Variants in SASH1 observed in about 807,000 individuals in gnomAD.
SASH1 encodes SAM and SH3 domain containing 1.
A neutral mutation model predicts 125.2 loss-of-function variants in SASH1; 44 were observed. The observed-to-expected ratio is 0.35, with a 90% CI of 0.28 to 0.45. The LOEUF (loss-of-function observed/expected upper bound fraction) is 0.45. Among genes scored for constraint, SASH1 ranks in the 20% least tolerant of loss-of-function variants. SASH1 has a pLI of 1.00. For synonymous variants in SASH1, 639 were observed against 649.1 expected (o/e 0.98, Z 0.24); for missense variants, 1,426 against 1,614.5 (o/e 0.88, Z 2.00).
intron 10 of SASH1, among the ~76,000 whole-genome samples, chr6:148,521,185 G>GTT (rs775648654): frequency 2.6e-5 from 4 of 152,174 alleles, no homozygotes; most frequent in Admixed American, 2.0e-4. Context: ...CTAACTTTTA[G>GTT]TTTGCACAGT....
chr6:148,424,828 G>A (rs73011367), intron 2 of SASH1, among the ~76,000 whole-genome samples: 26,762 of 152,104 alleles, frequency 0.18, 2,751 homozygotes, highest in African/African-American at 0.28. Context: ...TGGACCAGTA[G>A]TTCTCAAAGT....
At chr6:148,304,809 C>G (rs961095161) in intron 1 of SASH1, among the ~76,000 whole-genome samples, 1 of 152,110 alleles carries the variant, frequency 6.6e-6, no homozygotes, top group Non-Finnish European at 1.5e-5. Context: ...AGGCGGATCA[C>G]TTGAGGTCAG....
At chr6:148,387,619 T>C (rs565607778) in intron 1 of SASH1, among the ~76,000 whole-genome samples, 2,569 of 36,082 alleles carry the variant, frequency 0.071, 133 homozygotes, top group Middle Eastern at 0.2. Context: ...TTTCTTTCTT[T>C]CTTTCTTTCT....
chr6:148,527,990 G>A lies in SASH1; in HGVS notation c.1428+394G>A, dbSNP rs377498782. ...TCAAACCTAAAGCTTTTTTTTTTTG[G>A]GGGGGGGGGTGGCAGTAGACTTGTC... On this transcript the variant is annotated intron_variant, in intron 12 of 19. Transcript: ENST00000367467. Among the ~76,000 whole-genome samples, 10 of 38,976 alleles carry A rather than the reference G, an allele frequency of 2.6e-4. 1 individual carries two copies. The highest frequency in any genetic ancestry group is 3.7e-4 in the Non-Finnish European group (7 of 18,774). 25.6% of individuals were successfully genotyped at this position (38,976 alleles called of 152,430 possible).
chr6:148,252,715 G>A, the SASH1 span, among the ~76,000 whole-genome samples: 2 of 152,144 alleles, frequency 1.3e-5, no homozygotes, highest in Non-Finnish European at 2.9e-5. Flanking sequence ...CTGACCTCAC[G>A]TGATCCATCC....
At chr6:148,429,620 A>G (rs1775980297) in intron 2 of SASH1, among the ~76,000 whole-genome samples, 1 of 151,750 alleles carries the variant, frequency 6.6e-6, no homozygotes, top group Admixed American at 6.6e-5. Context: ...GTGTATACCC[A>G]CAGCCCCAGC....
intron 4 of SASH1, among the ~76,000 whole-genome samples, chr6:148,441,383 GGTTTT>G (rs556203220): frequency 1.3e-3 from 193 of 152,320 alleles, no homozygotes; most frequent in Non-Finnish European, 1.9e-3. Context: ...AGGCTTTGTG[GGTTTT>G]GTTCTGGTCT....
At chr6:148,358,796 C>T (rs1355640810) in intron 1 of SASH1, among the ~76,000 whole-genome samples, 11 of 132,218 alleles carry the variant, frequency 8.3e-5, no homozygotes, top group Non-Finnish European at 7.7e-5. Context: ...AGTGCAGTGG[C>T]GTGATCTCGG....
rs1318335340 is a variant in SASH1, at chr6:148,378,628, CAG to C, written c.157-11505_157-11504del. Among the ~76,000 whole-genome samples, 549 of 152,290 alleles carry C rather than the reference CAG, an allele frequency of 3.6e-3. 2 individuals are homozygous for C. Among genetic ancestry groups the C allele is most frequent in the African/African-American group, 0.013 (527 of 41,564 alleles). On this transcript the variant is annotated intron_variant, in intron 1 of 19. Coordinates refer to ENST00000367467, the MANE Select transcript of SASH1 (RefSeq NM_015278.5). ...GCCTGCCTTAAAGTGCTGTGATTAT[CAG>C]CGTGAGCCACCGTGCCTGGTTGATA...
chr6:148,409,007 TCA>T (rs1468095718), intron 2 of SASH1, among the ~76,000 whole-genome samples: 5 of 152,222 alleles, frequency 3.3e-5, no homozygotes, highest in African/African-American at 4.8e-5. Flanking sequence ...GCTATGCTTG[TCA>T]CTCCACCCTG....
At chr6:148,333,862 G>A (rs1286367901) in intron 1 of SASH1, among the ~76,000 whole-genome samples, 2 of 151,788 alleles carry the variant, frequency 1.3e-5, no homozygotes, top group Non-Finnish European at 2.9e-5. Flanking sequence ...ACGCTGTGTC[G>A]CCCAGGCTGG....
intron 2 of SASH1, among the ~76,000 whole-genome samples, chr6:148,410,784 AC>A (rs568888194): frequency 8.7e-4 from 133 of 152,228 alleles, no homozygotes; most frequent in South Asian, 3.3e-3. Context: ...TGTAAGGAGG[AC>A]CTCACTGTGA....
intron 1 of SASH1, among the ~76,000 whole-genome samples, chr6:148,275,703 T>C (rs1199727011): frequency 6.6e-6 from 1 of 152,228 alleles, no homozygotes; most frequent in Non-Finnish European, 1.5e-5. Context: ...TACCGCTATG[T>C]ATTTACATTA....
the SASH1 span, among the ~76,000 whole-genome samples, chr6:148,264,405 C>T: frequency 2.0e-5 from 3 of 152,158 alleles, no homozygotes; most frequent in African/African-American, 7.2e-5. Context: ...AGAAAAAGGT[C>T]ATTATTGTCT....
intron 1 of SASH1, among the ~76,000 whole-genome samples, chr6:148,335,794 C>A (rs1441819837): frequency 6.6e-6 from 1 of 152,122 alleles, no homozygotes; most frequent in African/African-American, 2.4e-5. Flanking sequence ...ATCCTAATCA[C>A]CCCGCCCCAC....
chr6:148,418,471 C>T (rs748237782), intron 2 of SASH1, among the ~76,000 whole-genome samples: 1 of 152,170 alleles, frequency 6.6e-6, no homozygotes, highest in Non-Finnish European at 1.5e-5. Flanking sequence ...CTGTCTTTCT[C>T]CTGCTTTGTC....
At position 148,534,865 on chromosome 6, in the gene SASH1, C is replaced by G. The variant is rs774368400; in HGVS notation, c.2059C>G (p.Leu687Val). 2.5e-6 allele frequency: 4 copies of G among 1,614,256 alleles called. No individual in the cohort carries two copies. Among genetic ancestry groups the G allele is most frequent in the Non-Finnish European group, 3.4e-6 (4 of 1,180,044 alleles). Residue 687 changes from leucine to valine, a missense_variant, in exon 16 of 20, where the codon CTC becomes GTC. Physicochemically the swap from Leu to Val is conservative, Grantham distance 32. Transcript: ENST00000367467. ...CAGGGACCCGGAACACAGAGCTGTT[C>G]TCTTGACAGCAGTGGAGCTGTTACA... The part of the protein sequence containing the change: ...NIRDPEHRAV[L>V]LTAVELLQEY...
chr6:148,444,051 G>A (rs1037015557), intron 4 of SASH1, among the ~76,000 whole-genome samples: 4 of 152,104 alleles, frequency 2.6e-5, no homozygotes, highest in African/African-American at 9.7e-5. Context: ...AACACATGTG[G>A]GCAAGACCTG....
At chr6:148,461,235 G>T (rs1234821343) in intron 4 of SASH1, among the ~76,000 whole-genome samples, 1 of 152,180 alleles carries the variant, frequency 6.6e-6, no homozygotes, top group Non-Finnish European at 1.5e-5. Flanking sequence ...CTGAATGTGT[G>T]TGCTGGGTCA....
Sources: allele counts gnomAD v4.1 joint callset (sites outside exome capture counted in the v4.1 genomes callset), GRCh38; gene constraint gnomAD v4.1.1; transcripts MANE v1.5; gene names NCBI Gene and HGNC (gene_info 2026-07-23, HGNC 2026-07-21).